The following RPRD1A variants were observed in gnomAD, a reference collection of about 807,000 sequenced individuals.
RPRD1A encodes regulation of nuclear pre-mRNA domain-containing protein 1A.
Under a neutral mutation model 37.8 loss-of-function variants are expected in RPRD1A, and 9 were observed. The observed-to-expected ratio is 0.24, with a 90% CI of 0.14 to 0.42. The LOEUF (loss-of-function observed/expected upper bound fraction) is 0.42, where lower values mean the gene tolerates loss of function less well. RPRD1A is among the 10% of genes least tolerant of loss of function. The pLI is 1.00. For synonymous variants in RPRD1A, 138 were observed against 139.7 expected (o/e 0.99, Z 0.08); for missense variants, 255 against 371.0 (o/e 0.69, Z 2.57).
At chr18:36,057,049 TACAAAAAAAAAAA>T (rs1437248336) in intron 1 of RPRD1A, among the ~76,000 whole-genome samples, 1 of 23,268 alleles carries the variant, frequency 4.3e-5, no homozygotes, top group African/African-American at 1.9e-4. Context: ...ACCCTGTTTC[TACAAAAAAAAAAA>T]AAAAAAAAAA....
At chr18:36,044,790 G>A (rs546822876) in intron 1 of RPRD1A, among the ~76,000 whole-genome samples, 3 of 152,020 alleles carry the variant, frequency 2.0e-5, no homozygotes, top group Admixed American at 1.3e-4. Flanking sequence ...ATCTTGGCAC[G>A]CTACAAAGGA....
chr18:36,034,808 A>G (rs139894651), intron 1 of RPRD1A, among the ~76,000 whole-genome samples: 1 of 152,316 alleles, frequency 6.6e-6, no homozygotes, highest in East Asian at 1.9e-4. Flanking sequence ...CTAGATGTTA[A>G]GTATTCAATT....
At chr18:36,003,466 G>T (rs1173223199) in intron 6 of RPRD1A, among the ~76,000 whole-genome samples, 1 of 152,292 alleles carries the variant, frequency 6.6e-6, no homozygotes, top group Admixed American at 6.5e-5. Context: ...AAGGTATAAA[G>T]AAATAAATGC....
rs936217163 is a variant in RPRD1A, at chr18:35,990,355, C to G, written c.*2796G>C. The stretch of plus-strand genomic sequence containing the variant: ...TTTTGTGATTTTGCAAATCAAGATG[C>G]CTGGGTCATCCCCACTTTTGCTGAT... On this transcript the variant is annotated 3_prime_UTR_variant, in exon 7 of 7. Coordinates refer to ENST00000399022, the MANE Select transcript of RPRD1A (RefSeq NM_018170.5). 6.6e-6 allele frequency: 1 copy of G among 152,126 alleles called. No individual in the cohort carries two copies. Among genetic ancestry groups the G allele is most frequent in the African/African-American group, 2.4e-5 (1 of 41,410 alleles). 9.4% of individuals were successfully genotyped at this position (152,126 alleles called of 1,614,324 possible).
chr18:35,999,439 G>C (rs1257063485), intron 6 of RPRD1A, among the ~76,000 whole-genome samples: 1 of 152,182 alleles, frequency 6.6e-6, no homozygotes, highest in African/African-American at 2.4e-5. Flanking sequence ...GATGATATCA[G>C]AATCACCTTG....
chr18:36,008,587 A>ATATATATATATATC lies in RPRD1A; in HGVS notation c.790-15288_790-15287insGATATATATATATA, dbSNP rs1234904779. Among the ~76,000 whole-genome samples, 38 of 119,580 alleles carry ATATATATATATATC rather than the reference A, an allele frequency of 3.2e-4. 3 individuals are homozygous for ATATATATATATATC. Among genetic ancestry groups the ATATATATATATATC allele is most frequent in the African/African-American group, 1.4e-3 (38 of 27,288 alleles). 78.4% of individuals were successfully genotyped at this position (119,580 alleles called of 152,430 possible). A position where few individuals can be genotyped will look rare whatever the true frequency, so the allele number is the denominator to read the frequency against. On this transcript the variant is annotated intron_variant, in intron 6 of 6. Coordinates refer to ENST00000399022, the MANE Select transcript of RPRD1A (RefSeq NM_018170.5). ...CAAGACCTTGTGTGTGTATATATAT[A>ATATATATATATATC]TATCTTTAAAAATCTCTCTAGGAAA...
intron 1 of RPRD1A, among the ~76,000 whole-genome samples, chr18:36,040,367 C>T (rs1409163977): frequency 6.6e-6 from 1 of 152,132 alleles, no homozygotes; most frequent in Non-Finnish European, 1.5e-5. Flanking sequence ...TGTTATGAAA[C>T]ATTAGTGAAA....
At chr18:36,060,257 C>A (rs1336064005) in intron 1 of RPRD1A, among the ~76,000 whole-genome samples, 1 of 151,960 alleles carries the variant, frequency 6.6e-6, no homozygotes, top group East Asian at 1.9e-4. Context: ...CGGTAAAACC[C>A]CCATCTCTAC....
At position 36,031,115 on chromosome 18, in the gene RPRD1A, G is replaced by GA; in HGVS notation, c.282-19dup. The GA allele has an allele frequency of 2.9e-6, 4 of 1,356,564 alleles. No individual in the cohort carries two copies. The highest frequency in any genetic ancestry group is 3.9e-6 in the Non-Finnish European group (4 of 1,021,376). The allele number at this position is 1,356,564 out of a possible 1,614,324, so 84.0% of individuals were successfully genotyped here. ...CAGTTTCACTAAAAAAAAAAAAAAA[G>GA]AAAAAAAGAAAAATGTTAACAGTAA... is the stretch of plus-strand genomic sequence containing the variant. On this transcript the variant is annotated intron_variant, in intron 2 of 6. Coordinates refer to ENST00000399022, the MANE Select transcript of RPRD1A (RefSeq NM_018170.5).
At chr18:36,059,122 ATACAAT>A (rs2144412307) in intron 1 of RPRD1A, among the ~76,000 whole-genome samples, 1 of 152,324 alleles carries the variant, frequency 6.6e-6, no homozygotes, top group African/African-American at 2.4e-5. Flanking sequence ...CCATAAATAC[ATACAAT>A]TACAATGTGT....
intron 6 of RPRD1A, among the ~76,000 whole-genome samples, chr18:36,013,543 A>G (rs1910306527): frequency 6.6e-6 from 1 of 152,194 alleles, no homozygotes; most frequent in South Asian, 2.1e-4. Context: ...TCAGTTTAGG[A>G]TAAAGGAAAA....
chr18:36,050,611 C>T (rs1913312041), intron 1 of RPRD1A, among the ~76,000 whole-genome samples: 1 of 151,920 alleles, frequency 6.6e-6, no homozygotes, highest in South Asian at 2.1e-4. Flanking sequence ...AAAAGATATA[C>T]AGATAGTCAA....
chr18:36,016,002 C>A (rs967281286), intron 6 of RPRD1A, among the ~76,000 whole-genome samples: 9 of 152,278 alleles, frequency 5.9e-5, no homozygotes, highest in Middle Eastern at 3.4e-3. Flanking sequence ...TAAAACTATA[C>A]CATCCCTGTG....
intron 1 of RPRD1A, among the ~76,000 whole-genome samples, chr18:36,041,373 A>G (rs192251876): frequency 6.6e-6 from 1 of 152,242 alleles, no homozygotes; most frequent in Non-Finnish European, 1.5e-5. Flanking sequence ...GTCCTATTGC[A>G]GTAATCACTC....
chr18:36,046,596 C>T (rs1025620505), intron 1 of RPRD1A, among the ~76,000 whole-genome samples: 3 of 151,246 alleles, frequency 2.0e-5, no homozygotes, highest in South Asian at 2.1e-4. Context: ...ATACGGAGGC[C>T]GGGGTGGGTG....
At chr18:36,010,243 T>C (rs951497042) in intron 6 of RPRD1A, among the ~76,000 whole-genome samples, 1 of 151,924 alleles carries the variant, frequency 6.6e-6, no homozygotes, top group Non-Finnish European at 1.5e-5. Flanking sequence ...CCAAGGCAGG[T>C]GGATCGCTTG....
At position 36,038,400 on chromosome 18, in the gene RPRD1A, C is replaced by T. The variant is rs912455407; in HGVS notation, c.152-4563G>A. On this transcript the variant is annotated intron_variant, in intron 1 of 6. Coordinates refer to ENST00000399022, the MANE Select transcript of RPRD1A (RefSeq NM_018170.5). Reference sequence around the variant, plus strand: ...AGAGGGTGCAAGCCCCAAGCCTTGGCGGCTTCCATGTGATTGTGGGCCTGT... The same window carrying T: ...AGAGGGTGCAAGCCCCAAGCCTTGGTGGCTTCCATGTGATTGTGGGCCTGT... 2.6e-5 allele frequency among the ~76,000 whole-genome samples: 4 copies of T among 152,216 alleles called. No individual in the cohort carries two copies. In the South Asian group the frequency reaches 6.2e-4, roughly 24 times the overall value.
intron 6 of RPRD1A, among the ~76,000 whole-genome samples, chr18:36,007,862 CAGG>C (rs1568117446): frequency 1.3e-5 from 2 of 152,068 alleles, no homozygotes; most frequent in African/African-American, 4.8e-5. Flanking sequence ...CGCTTGAACC[CAGG>C]AGGTGGAGGT....
chr18:36,018,225 G>C (rs1025691463), intron 6 of RPRD1A, among the ~76,000 whole-genome samples: 1 of 150,908 alleles, frequency 6.6e-6, no homozygotes, highest in African/African-American at 2.4e-5. Context: ...TTCTGATTTA[G>C]CTACAAGTAA....
Sources: allele counts gnomAD v4.1 joint callset (sites outside exome capture counted in the v4.1 genomes callset), GRCh38; gene constraint gnomAD v4.1.1; transcripts MANE v1.5; gene names NCBI Gene and HGNC (gene_info 2026-07-23, HGNC 2026-07-21).